Variants in PIK3CB observed in about 807,000 individuals in gnomAD.
PIK3CB encodes the protein phosphatidylinositol-4,5-bisphosphate 3-kinase catalytic subunit beta, also known as phosphatidylinositol 4,5-bisphosphate 3-kinase catalytic subunit beta isoform.
In PIK3CB, 39 loss-of-function variants were observed where a neutral mutation model predicts 136.8. The ratio of observed to expected loss-of-function variants is 0.29; its 90% confidence interval spans 0.22 to 0.37. PIK3CB has a LOEUF of 0.37. Ranked by LOEUF, PIK3CB falls within the 10% of genes least tolerant of loss-of-function variation. The pLI is 1.00. For synonymous variants in PIK3CB, 428 were observed against 436.6 expected (o/e 0.98, Z 0.25); for missense variants, 868 against 1,275.4 (o/e 0.68, Z 4.87).
intron 2 of PIK3CB, among the ~76,000 whole-genome samples, chr3:138,765,413 AAT>A (rs2045720703): frequency 6.6e-6 from 1 of 152,182 alleles, no homozygotes; most frequent in African/African-American, 2.4e-5. Flanking sequence ...TGCAATCTTC[AAT>A]ATAGTCTTTC....
At chr3:138,659,096 T>C (rs926765703) in intron 21 of PIK3CB, among the ~76,000 whole-genome samples, 1 of 152,246 alleles carries the variant, frequency 6.6e-6, no homozygotes, top group Non-Finnish European at 1.5e-5. Context: ...AATTCTTTGA[T>C]ATGGGGTTCT....
chr3:138,728,838 GAA>G (rs1230430508), intron 8 of PIK3CB, among the ~76,000 whole-genome samples: 2 of 151,186 alleles, frequency 1.3e-5, no homozygotes, highest in African/African-American at 2.4e-5. Flanking sequence ...AAAAAATGCA[GAA>G]AAAGTGATTA....
At chr3:138,694,709 G>C (rs2044097640) in intron 14 of PIK3CB, 77 bp downstream of exon 14, 2 of 1,425,846 alleles carry the variant, frequency 1.4e-6, no homozygotes, top group Non-Finnish European at 1.9e-6. Context: ...TTTCTTATGA[G>C]ACATCAAGGA....
intron 16 of PIK3CB, 35 bp downstream of exon 16, chr3:138,688,840 A>C (rs1487513418): frequency 7.1e-7 from 1 of 1,399,308 alleles, no homozygotes; most frequent in Admixed American, 1.7e-5. Context: ...GTCTGTCAAA[A>C]AAAGAAAAAA....
In PIK3CB at chr3:138,707,951, C is replaced by T. The variant is rs535110260; in HGVS notation, c.1400-662G>A. On this transcript the variant is annotated intron_variant, in intron 10 of 23. Transcript: ENST00000674063. ...AGTGTAGTTAGAAAACTCTGGAGTT[C>T]GCATCATATAATTTTTTTATTTCAC... is the stretch of plus-strand genomic sequence containing the variant. Among the ~76,000 whole-genome samples, 5 of 152,154 alleles carry T rather than the reference C, an allele frequency of 3.3e-5. No homozygotes were observed. The South Asian group carries it at 8.3e-4, about 25-fold the overall frequency.
intron 13 of PIK3CB, 73 bp from the exon 14 acceptor site, chr3:138,694,980 G>C: frequency 7.0e-7 from 1 of 1,428,658 alleles, no homozygotes; most frequent in Non-Finnish European, 9.4e-7. Flanking sequence ...ACACACAGGA[G>C]CACCAAGATA....
chr3:138,779,108 C>T (rs1429404901), intron 2 of PIK3CB, among the ~76,000 whole-genome samples: 2 of 134,346 alleles, frequency 1.5e-5, no homozygotes, highest in East Asian at 2.2e-4. Flanking sequence ...TTTTTTGAGA[C>T]GGAGTCTCGC....
intron 8 of PIK3CB, among the ~76,000 whole-genome samples, chr3:138,728,253 T>C (rs540685997): frequency 1.3e-5 from 2 of 152,044 alleles, no homozygotes; most frequent in Non-Finnish European, 2.9e-5. Context: ...GTTCAGAAAA[T>C]AGAGAAGGCT....
At chr3:138,708,268 T>A (rs919071681) in intron 10 of PIK3CB, among the ~76,000 whole-genome samples, 1 of 143,250 alleles carries the variant, frequency 7.0e-6, no homozygotes, top group Admixed American at 6.8e-5. Context: ...TTTTTCTTTT[T>A]TTTTTTTTTT....
intron 8 of PIK3CB, among the ~76,000 whole-genome samples, chr3:138,716,501 T>A (rs2044609107): frequency 6.6e-6 from 1 of 152,210 alleles, no homozygotes; most frequent in Admixed American, 6.5e-5. Context: ...CATCATGAAG[T>A]CTATGCTGTA....
chr3:138,714,851 G>A (rs2044575987), intron 8 of PIK3CB, 132 bp from the exon 9 acceptor site: 4 of 800,748 alleles, frequency 5.0e-6, no homozygotes, highest in Admixed American at 6.4e-5. Flanking sequence ...CATACTGGAA[G>A]AAGAAACATG....
intron 2 of PIK3CB, among the ~76,000 whole-genome samples, chr3:138,793,674 T>C (rs1320008773): frequency 1.3e-5 from 2 of 151,354 alleles, no homozygotes; most frequent in Non-Finnish European, 2.9e-5. Context: ...ATGGAAAGAA[T>C]TCCAGTGTTT....
At chr3:138,754,025 C>T (rs373587730) in intron 4 of PIK3CB, among the ~76,000 whole-genome samples, 3 of 152,004 alleles carry the variant, frequency 2.0e-5, no homozygotes, top group Admixed American at 6.6e-5. Context: ...AAAATATTGT[C>T]GGTCAATATA....
chr3:138,799,811 G>A (rs1258940677), intron 1 of PIK3CB, among the ~76,000 whole-genome samples: 1 of 151,968 alleles, frequency 6.6e-6, no homozygotes, highest in Non-Finnish European at 1.5e-5. Context: ...CCTAGTAGCT[G>A]AGACCTCAGG....
intron 2 of PIK3CB, among the ~76,000 whole-genome samples, chr3:138,770,992 G>A (rs2045792302): frequency 6.6e-6 from 1 of 151,816 alleles, no homozygotes; most frequent in South Asian, 2.1e-4. Flanking sequence ...TTACAGGTGT[G>A]AGCCACTGCA....
chr3:138,665,289 A>G, intron 19 of PIK3CB, 86 bp from the exon 20 acceptor site: 3 of 1,055,300 alleles, frequency 2.8e-6, no homozygotes, highest in Non-Finnish European at 3.9e-6. Context: ...CTTTTTAAAA[A>G]AAGTTTTATT....
At chr3:138,739,118 G>C (rs940522962) in intron 5 of PIK3CB, among the ~76,000 whole-genome samples, 1 of 152,114 alleles carries the variant, frequency 6.6e-6, no homozygotes, top group South Asian at 2.1e-4. Context: ...CATGAGGGCA[G>C]AGTCCTCATG....
chr3:138,829,472 TG>T (rs1424443716), intron 1 of PIK3CB, among the ~76,000 whole-genome samples: 2 of 151,868 alleles, frequency 1.3e-5, no homozygotes, highest in African/African-American at 4.8e-5. Flanking sequence ...TAAACATATG[TG>T]GGATATATTT....
intron 2 of PIK3CB, among the ~76,000 whole-genome samples, chr3:138,773,504 T>C (rs576731329): frequency 6.6e-6 from 1 of 152,234 alleles, no homozygotes; most frequent in South Asian, 2.1e-4. Flanking sequence ...AAAGGGCTGA[T>C]GAAAAAAATT....
Sources: allele counts gnomAD v4.1 joint callset (sites outside exome capture counted in the v4.1 genomes callset), GRCh38; gene constraint gnomAD v4.1.1; transcripts MANE v1.5; gene names NCBI Gene and HGNC (gene_info 2026-07-23, HGNC 2026-07-21).